The following TMEM144 variants were observed in gnomAD, a reference collection of about 807,000 sequenced individuals.
TMEM144 encodes the protein transmembrane protein 144.
Under a neutral mutation model 43.6 loss-of-function variants are expected in TMEM144, and 39 were observed. The ratio of observed to expected loss-of-function variants is 0.90; its 90% CI spans 0.69 to 1.17. The LOEUF is 1.17. Ranked by LOEUF, TMEM144 falls within the 50% of genes most tolerant of loss-of-function variation. The pLI, the probability that TMEM144 is intolerant of heterozygous loss-of-function variation, is 0.00. For synonymous variants in TMEM144, 154 were observed against 133.6 expected (o/e 1.15, Z -1.06); for missense variants, 417 against 411.9 (o/e 1.01, Z -0.11).
chr4:158,213,139 T>G (rs1419595037), intron 3 of TMEM144: 3 of 291,352 alleles, frequency 1.0e-5, no homozygotes, highest in Non-Finnish European at 1.3e-5. Flanking sequence ...TTGGCTTGCT[T>G]ATGTGCAATT....
intron 6 of TMEM144, among the ~76,000 whole-genome samples, chr4:158,225,961 G>C (rs967670639): frequency 1.3e-5 from 2 of 152,228 alleles, no homozygotes; most frequent in Non-Finnish European, 2.9e-5. Context: ...CTGGAAAAGA[G>C]CTACCATGCA....
chr4:158,252,677 G>T (rs1003599838), intron 12 of TMEM144, among the ~76,000 whole-genome samples: 1 of 151,822 alleles, frequency 6.6e-6, no homozygotes, highest in Admixed American at 6.6e-5. Flanking sequence ...GCTTGGTGAT[G>T]CATGCCTGTA....
chr4:158,253,406 G>A, intron 12 of TMEM144, 38 bp from the exon 13 acceptor site: 1 of 1,516,036 alleles, frequency 6.6e-7, no homozygotes, highest in Non-Finnish European at 9.1e-7. Flanking sequence ...AATTGATTCA[G>A]GCCTTATTCA....
At chr4:158,212,374 T>C (rs968094371) in intron 2 of TMEM144, among the ~76,000 whole-genome samples, 3 of 152,210 alleles carry the variant, frequency 2.0e-5, no homozygotes, top group Admixed American at 1.3e-4. Flanking sequence ...TTTTGTAATG[T>C]ACTAAAAATT....
At chr4:158,224,721 G>T (rs113896693) in intron 6 of TMEM144, among the ~76,000 whole-genome samples, 1 of 152,124 alleles carries the variant, frequency 6.6e-6, no homozygotes, top group Non-Finnish European at 1.5e-5. Flanking sequence ...TGAGTTCTGC[G>T]ATGAGTTTCC....
At chr4:158,224,165 ATGT>A (rs1462509706) in intron 6 of TMEM144, among the ~76,000 whole-genome samples, 6 of 152,064 alleles carry the variant, frequency 3.9e-5, no homozygotes, top group African/African-American at 1.4e-4. Context: ...ATGATCAGTG[ATGT>A]TGAGCTTTTT....
At chr4:158,230,141 A>G (rs922461174) in intron 6 of TMEM144, among the ~76,000 whole-genome samples, 2 of 152,200 alleles carry the variant, frequency 1.3e-5, no homozygotes, top group African/African-American at 4.8e-5. Context: ...GGATCTTCCA[A>G]TCTGTAGGTT....
At position 158,244,365 on chromosome 4, in the gene TMEM144, G is replaced by T. The variant is rs199624459; in HGVS notation, c.954+16G>T. The T allele has an allele frequency of 8.4e-5, 134 of 1,603,964 alleles. No homozygotes were observed. The highest frequency in any genetic ancestry group is 9.8e-5 in the Non-Finnish European group (115 of 1,173,746). ...GGAAATAAAGGTATGTACAAGAAAG[G>T]GCAGACTTAGAAAATGGGAATGGGG... On this transcript the variant is annotated intron_variant, in intron 12 of 12. Transcript: ENST00000296529.
intron 6 of TMEM144, among the ~76,000 whole-genome samples, chr4:158,227,578 C>T (rs918620926): frequency 3.9e-5 from 6 of 152,052 alleles, no homozygotes; most frequent in African/African-American, 1.5e-4. Flanking sequence ...GACTTTGTCT[C>T]TCTCTGACTT....
At chr4:158,225,827 C>G (rs963683923) in intron 6 of TMEM144, among the ~76,000 whole-genome samples, 2 of 152,358 alleles carry the variant, frequency 1.3e-5, no homozygotes, top group East Asian at 1.9e-4. Context: ...GTGAGAGACA[C>G]GAAGTGAATT....
chr4:158,235,629 T>C (rs1356056695), intron 8 of TMEM144, 124 bp downstream of exon 8: 1 of 1,001,886 alleles, frequency 1.0e-6, no homozygotes, highest in Non-Finnish European at 1.4e-6. Context: ...CTTTGACTTC[T>C]ATCTCCATGC....
chr4:158,231,162 A>G (rs1735060684), intron 6 of TMEM144, among the ~76,000 whole-genome samples: 1 of 152,158 alleles, frequency 6.6e-6, no homozygotes, highest in Non-Finnish European at 1.5e-5. Flanking sequence ...CTTTATAGCC[A>G]GCTCCTACAC....
At chr4:158,248,123 T>TAAAA (rs753919532) in intron 12 of TMEM144, among the ~76,000 whole-genome samples, 7 of 99,616 alleles carry the variant, frequency 7.0e-5, no homozygotes, top group African/African-American at 1.8e-4. Flanking sequence ...AGCAAAGAAT[T>TAAAA]AAAAAAAAAA....
At chr4:158,231,524 G>A (rs145317648) in intron 6 of TMEM144, among the ~76,000 whole-genome samples, 3 of 152,328 alleles carry the variant, frequency 2.0e-5, no homozygotes, top group Non-Finnish European at 4.4e-5. Context: ...GGTCTAGATT[G>A]TGTGGTAACT....
At chr4:158,229,075 G>A (rs929874923) in intron 6 of TMEM144, among the ~76,000 whole-genome samples, 1 of 152,104 alleles carries the variant, frequency 6.6e-6, no homozygotes, top group South Asian at 2.1e-4. Context: ...GCCATTGGTC[G>A]ATCTTTAACT....
intron 5 of TMEM144, among the ~76,000 whole-genome samples, chr4:158,217,674 T>A (rs2225238): frequency 1.2e-4 from 18 of 152,166 alleles, no homozygotes; most frequent in African/African-American, 4.3e-4. Context: ...GGAAACTGAT[T>A]TTTATTGTCC....
rs76606773 is a variant in TMEM144, at chr4:158,250,510, G to A, written c.955-2934G>A. Among the ~76,000 whole-genome samples the A allele has an allele frequency of 5.6e-3, 852 of 152,194 alleles. 11 individuals carry two copies. The highest frequency in any genetic ancestry group is 0.02 in the African/African-American group (817 of 41,532). On this transcript the variant is annotated intron_variant, in intron 12 of 12. Coordinates refer to ENST00000296529, the MANE Select transcript of TMEM144 (RefSeq NM_018342.5). ...AGCCACGTGTTCCTACTGTCAACCCGTCTATCCTGCCCCAACCCTGTTTCC... is the reference window on the plus strand; with the variant it reads ...AGCCACGTGTTCCTACTGTCAACCCATCTATCCTGCCCCAACCCTGTTTCC...
Position 158,255,156 on chromosome 4 carries a change from C to T in TMEM144, c.*1629C>T, listed in dbSNP as rs1328822265. ...TGAATACTACTTAAAAGTGATGGAG[C>T]TTCTGTTTGTTTATTGAATTGCTAA... On this transcript the variant is annotated 3_prime_UTR_variant, in exon 13 of 13. Coordinates refer to ENST00000296529, the MANE Select transcript of TMEM144 (RefSeq NM_018342.5). The T allele has an allele frequency of 6.6e-6, 1 of 152,040 alleles. No individual in the cohort carries two copies. The highest frequency in any genetic ancestry group is 1.5e-5 in the Non-Finnish European group (1 of 68,018). 9.4% of individuals were successfully genotyped at this position (152,040 alleles called of 1,614,324 possible).
intron 3 of TMEM144, chr4:158,213,040 A>G (rs1560818508): frequency 3.7e-6 from 2 of 538,828 alleles, no homozygotes; most frequent in East Asian, 6.0e-5. Flanking sequence ...GAAGAAATTT[A>G]TAGTCAGTTC....
Sources: allele counts gnomAD v4.1 joint callset (sites outside exome capture counted in the v4.1 genomes callset), GRCh38; gene constraint gnomAD v4.1.1; transcripts MANE v1.5; gene names NCBI Gene and HGNC (gene_info 2026-07-23, HGNC 2026-07-21).